Variants in PPP2R5E observed in about 807,000 individuals in gnomAD.
PPP2R5E encodes serine/threonine-protein phosphatase 2A 56 kDa regulatory subunit epsilon isoform.
Under a neutral mutation model 65.3 loss-of-function variants are expected in PPP2R5E, and 4 were observed. The observed-to-expected ratio is 0.06, with a 90% CI of 0.03 to 0.14. The LOEUF (loss-of-function observed/expected upper bound fraction) is 0.14. PPP2R5E is among the 10% of genes least tolerant of loss of function. PPP2R5E has a pLI of 1.00. For missense variants in PPP2R5E, 274 were observed against 556.1 expected, an observed-to-expected ratio of 0.49 and a Z score of 5.10; for synonymous variants, 183 against 187.4, an observed-to-expected ratio of 0.98 and a Z score of 0.19.
At chr14:63,529,126 A>AT (rs1893302804) in intron 2 of PPP2R5E, among the ~76,000 whole-genome samples, 1 of 151,920 alleles carries the variant, frequency 6.6e-6, no homozygotes, top group Admixed American at 6.6e-5. Context: ...TTTCCAGCTA[A>AT]TTTTTTAATT....
At chr14:63,511,290 C>A (rs1229612441) in intron 2 of PPP2R5E, among the ~76,000 whole-genome samples, 1 of 152,154 alleles carries the variant, frequency 6.6e-6, no homozygotes, top group Non-Finnish European at 1.5e-5. Context: ...GAACCCCAGG[C>A]TTTAGAGAAC....
chr14:63,507,658 C>T (rs923442754), intron 2 of PPP2R5E, among the ~76,000 whole-genome samples: 4 of 144,362 alleles, frequency 2.8e-5, no homozygotes, highest in Non-Finnish European at 4.5e-5. Context: ...CAGCTCACTG[C>T]AAGCTCCGCC....
chr14:63,455,740 G>A (rs546313219), intron 2 of PPP2R5E, among the ~76,000 whole-genome samples: 1 of 152,230 alleles, frequency 6.6e-6, no homozygotes, highest in East Asian at 1.9e-4. Flanking sequence ...GACCATCACA[G>A]TTAATTACTA....
At chr14:63,475,253 TCTC>T (rs1890350474) in intron 2 of PPP2R5E, among the ~76,000 whole-genome samples, 1 of 152,222 alleles carries the variant, frequency 6.6e-6, no homozygotes. Flanking sequence ...TTCACTCTCT[TCTC>T]TGTTGGGTAG....
At chr14:63,539,796 G>T (rs74245193) in intron 1 of PPP2R5E, 104 bp from the exon 2 acceptor site, 2 of 1,195,948 alleles carry the variant, frequency 1.7e-6, no homozygotes, top group Non-Finnish European at 2.3e-6. Context: ...CATGAAAATG[G>T]GAATATGTGC....
Position 63,389,660 on chromosome 14 carries a change from T to C in PPP2R5E, c.1026A>G (p.Glu342=), listed in dbSNP as rs1478775092. ...ACTTGGCGATTTGTTTAAACAAAGG[T>C]TCTTGGATTTTAACAAATTGTGAAG... ...IEPSQFVKIQ[E]PLFKQIAKCV... The change falls in exon 11 of 14, where the codon GAA becomes GAG. Residue 342 remains glutamate, a synonymous_variant. Coordinates refer to ENST00000337537, the MANE Select transcript of PPP2R5E (RefSeq NM_006246.5). The C allele has an allele frequency of 6.2e-7, 1 of 1,612,008 alleles. No individual in the cohort carries two copies. The highest frequency in any genetic ancestry group is 8.5e-7 in the Non-Finnish European group (1 of 1,179,456).
chr14:63,393,825 C>A lies in PPP2R5E; in HGVS notation c.844G>T (p.Ala282Ser). Residue 282 changes from alanine to serine, a missense_variant, in exon 8 of 14, where the codon GCA (alanine) becomes TCA (serine). By Grantham distance (99) the Ala-to-Ser change is moderately conservative (BLOSUM62 1). This residue lies in a region of PPP2R5E where 129 missense variants were observed against 254.9 expected (regional missense o/e 0.51). Transcript: ENST00000337537. The part of the protein sequence containing the change: ...HTVRSLSLFH[A>S]QLAYCIVQFL... ...GTTGTACAAAATCCTCCTACCTGTG[C>A]ATGGAAGAGTGATAAGCTCCTGACA... 6.3e-7 allele frequency: 1 copy of A among 1,580,220 alleles called. No individual in the cohort carries two copies. The highest frequency in any genetic ancestry group is 1.7e-5 in the Admixed American group (1 of 59,192).
At chr14:63,380,095 A>G (rs1884250735) in intron 13 of PPP2R5E, among the ~76,000 whole-genome samples, 1 of 151,544 alleles carries the variant, frequency 6.6e-6, no homozygotes, top group African/African-American at 2.4e-5. Context: ...CAGCCTCCCA[A>G]AGTGATGGGA....
chr14:63,426,698 T>TAA (rs1887356389), intron 3 of PPP2R5E, among the ~76,000 whole-genome samples: 2 of 51,040 alleles, frequency 3.9e-5, no homozygotes, highest in Admixed American at 4.8e-4. Flanking sequence ...CAAAGGCTTA[T>TAA]CAAAAAAAAA....
chr14:63,430,376 TGC>T (rs1491452439), intron 3 of PPP2R5E, among the ~76,000 whole-genome samples: 20 of 127,920 alleles, frequency 1.6e-4, no homozygotes, highest in East Asian at 9.4e-4. Context: ...CATACATGCA[TGC>T]ATACATACAT....
intron 3 of PPP2R5E, among the ~76,000 whole-genome samples, chr14:63,448,298 A>AAAAT (rs978500265): frequency 5.9e-4 from 90 of 152,214 alleles, no homozygotes; most frequent in African/African-American, 2.0e-3. Context: ...CTCCATCTCA[A>AAAAT]AAATAAATAA....
chr14:63,397,960 C>T lies in PPP2R5E; in HGVS notation c.550-1244G>A, dbSNP rs7160875. Among the ~76,000 whole-genome samples, 1,438 of 152,262 alleles carry T rather than the reference C, an allele frequency of 9.4e-3. 28 individuals carry two copies. The highest frequency in any genetic ancestry group is 0.033 in the African/African-American group (1,382 of 41,548). ...GTCAGGCTAGTCTCAAACTCCAGAA[C>T]TCAGGTGATCCACCCACCTCAGCCT... On this transcript the variant is annotated intron_variant, in intron 5 of 13. Coordinates refer to ENST00000337537, the MANE Select transcript of PPP2R5E (RefSeq NM_006246.5).
Position 63,391,960 on chromosome 14 carries a change from A to G in PPP2R5E, c.903+12T>C, listed in dbSNP as rs1348865169. 1.9e-6 allele frequency: 3 copies of G among 1,610,102 alleles called. No individual in the cohort carries two copies. The highest frequency in any genetic ancestry group is 1.7e-6 in the Non-Finnish European group (2 of 1,177,656). ...TTTCTTAAGTTTTTGAAATTATGGA[A>G]AAAAGACTTACTGGTTCTGTGAGTG... On this transcript the variant is annotated intron_variant, in intron 9 of 13. Coordinates refer to ENST00000337537, the MANE Select transcript of PPP2R5E (RefSeq NM_006246.5).
At chr14:63,533,822 G>A (rs1893547406) in intron 2 of PPP2R5E, among the ~76,000 whole-genome samples, 2 of 151,974 alleles carry the variant, frequency 1.3e-5, no homozygotes, top group African/African-American at 4.8e-5. Flanking sequence ...GCAGACACCT[G>A]TAATCCCAGC....
Position 63,422,115 on chromosome 14 carries a change from G to A in PPP2R5E, c.355-21C>T, listed in dbSNP as rs1268267865. 4.4e-6 allele frequency: 7 copies of A among 1,583,000 alleles called. No individual in the cohort carries two copies. In the Admixed American group the frequency reaches 1.0e-4, roughly 23 times the overall value. ...GATACCTAAAAATAAACAAGCAGCA[G>A]AGTTAACGGGAAGCACCTTCTGCAC... On this transcript the variant is annotated intron_variant, in intron 3 of 13. Transcript: ENST00000337537.
intron 2 of PPP2R5E, among the ~76,000 whole-genome samples, chr14:63,523,085 G>A (rs1302729029): frequency 2.1e-5 from 3 of 142,898 alleles, no homozygotes; most frequent in Non-Finnish European, 4.5e-5. Context: ...GGAGGGAGGT[G>A]GGGGGGTCAG....
chr14:63,511,138 T>A (rs1284682554), intron 2 of PPP2R5E, among the ~76,000 whole-genome samples: 2 of 152,228 alleles, frequency 1.3e-5, no homozygotes, highest in Admixed American at 1.3e-4. Flanking sequence ...TCTTTCTCCA[T>A]CCTTGGAATT....
At chr14:63,513,120 C>T (rs2139702524) in intron 2 of PPP2R5E, among the ~76,000 whole-genome samples, 1 of 152,136 alleles carries the variant, frequency 6.6e-6, no homozygotes, top group East Asian at 1.9e-4. Context: ...AATGAAACCA[C>T]TCACTAGAGT....
chr14:63,529,598 C>T (rs1893327558), intron 2 of PPP2R5E, among the ~76,000 whole-genome samples: 2 of 149,618 alleles, frequency 1.3e-5, no homozygotes, highest in African/African-American at 4.9e-5. Flanking sequence ...AGGATGGTCT[C>T]GATCTCCTGA....
Sources: allele counts gnomAD v4.1 joint callset (sites outside exome capture counted in the v4.1 genomes callset), GRCh38; gene constraint gnomAD v4.1.1; regional missense constraint gnomAD v4.1.1; transcripts MANE v1.5; gene names NCBI Gene and HGNC (gene_info 2026-07-23, HGNC 2026-07-21).